The following NFIB variants were observed in gnomAD, a reference collection of about 807,000 sequenced individuals.
NFIB encodes the protein nuclear factor 1 B-type.
NFIB carries 11 observed loss-of-function variants against 61.5 expected under a neutral mutation model. The ratio of observed to expected loss-of-function variants is 0.18; its 90% confidence interval spans 0.11 to 0.30. The LOEUF (loss-of-function observed/expected upper bound fraction) is 0.30. Among genes scored for constraint, NFIB ranks in the 10% least tolerant of loss-of-function variants. The pLI is 1.00. For missense variants in NFIB, 471 were observed against 608.9 expected, an observed-to-expected ratio of 0.77 and a Z score of 2.38; for synonymous variants, 260 against 216.5, an observed-to-expected ratio of 1.20 and a Z score of -1.76.
chr9:14,373,769 T>C (rs963050955), intron 1 of NFIB, among the ~76,000 whole-genome samples: 1 of 151,966 alleles, frequency 6.6e-6, no homozygotes, highest in African/African-American at 2.4e-5. Flanking sequence ...ATTTGGCAGG[T>C]TTGGGGGAAT....
intron 2 of NFIB, among the ~76,000 whole-genome samples, chr9:14,227,141 C>CA (rs747407066): frequency 0.29 from 24,243 of 84,812 alleles, 2,672 homozygotes; most frequent in African/African-American, 0.4. Context: ...AACTCCGTGT[C>CA]AAAAAAAAAA....
At chr9:14,427,944 T>TTTTTTTGTTTTG in the NFIB span, among the ~76,000 whole-genome samples, 8 of 83,182 alleles carry the variant, frequency 9.6e-5, no homozygotes, top group African/African-American at 1.7e-4. Context: ...GTTGTTTTTT[T>TTTTTTTGTTTTG]TTTTTTTTTT....
intron 3 of NFIB, among the ~76,000 whole-genome samples, chr9:14,159,881 T>A (rs951562490): frequency 2.0e-5 from 3 of 152,214 alleles, no homozygotes; most frequent in Non-Finnish European, 4.4e-5. Flanking sequence ...GGAACATGTT[T>A]TTCACATTTC....
At chr9:14,282,097 A>G (rs140109668) in intron 2 of NFIB, among the ~76,000 whole-genome samples, 273 of 152,352 alleles carry the variant, frequency 1.8e-3, no homozygotes, top group African/African-American at 6.4e-3. Context: ...AATTTGATTC[A>G]GTACAAAAAC....
chr9:14,315,473 G>A (rs1329731663), upstream of NFIB, among the ~76,000 whole-genome samples: 4 of 147,452 alleles, frequency 2.7e-5, no homozygotes, highest in African/African-American at 9.9e-5. Flanking sequence ...GGCCCGGGGC[G>A]CCGGCGGAAA....
intron 1 of NFIB, among the ~76,000 whole-genome samples, chr9:14,383,629 A>T (rs905266640): frequency 2.0e-5 from 3 of 152,244 alleles, no homozygotes; most frequent in African/African-American, 7.2e-5. Flanking sequence ...AACATAGTTG[A>T]TAACAGATCT....
chr9:14,493,411 A>G, the NFIB span, among the ~76,000 whole-genome samples: 2 of 152,198 alleles, frequency 1.3e-5, no homozygotes, highest in Non-Finnish European at 2.9e-5. Flanking sequence ...GTTAGAAAGG[A>G]AAAAGCATTT....
chr9:14,512,933 G>T, the NFIB span, among the ~76,000 whole-genome samples: 3 of 128,706 alleles, frequency 2.3e-5, no homozygotes, highest in South Asian at 2.6e-4. Context: ...CAAAGCTTTT[G>T]AAAAAAAAAA....
intron 2 of NFIB, among the ~76,000 whole-genome samples, chr9:14,183,983 C>T (rs984504136): frequency 6.6e-6 from 1 of 152,150 alleles, no homozygotes; most frequent in Non-Finnish European, 1.5e-5. Flanking sequence ...GTTAAAGATT[C>T]TCCAGGAACA....
the NFIB span, among the ~76,000 whole-genome samples, chr9:14,509,582 T>C: frequency 6.6e-6 from 1 of 152,206 alleles, no homozygotes; most frequent in African/African-American, 2.4e-5. Flanking sequence ...CTGTACTTTG[T>C]AGGGAGCAAA....
At chr9:14,491,686 T>C in the NFIB span, among the ~76,000 whole-genome samples, 1 of 152,202 alleles carries the variant, frequency 6.6e-6, no homozygotes, top group Admixed American at 6.5e-5. Flanking sequence ...ACTTCTTATC[T>C]ATTGAGTTTT....
rs75938666 is a variant in NFIB, at chr9:14,341,434, A to C, written c.109-33914T>G. ...AGGGAGAAAGATGAAACAGGTTTCC[A>C]CATCTATGTCATAAGTAGCAGAGGC... On this transcript the variant is annotated intron_variant, in intron 1 of 8. Transcript: ENST00000380934. 5.2e-3 allele frequency among the ~76,000 whole-genome samples: 790 copies of C among 152,318 alleles called. 7 individuals are homozygous for C. The highest frequency in any genetic ancestry group is 0.018 in the African/African-American group (764 of 41,562).
At chr9:14,242,315 G>C (rs1386082623) in intron 2 of NFIB, among the ~76,000 whole-genome samples, 1 of 152,140 alleles carries the variant, frequency 6.6e-6, no homozygotes, top group Non-Finnish European at 1.5e-5. Context: ...AAAGTCTAAA[G>C]TTTGGGCTGT....
the NFIB span, among the ~76,000 whole-genome samples, chr9:14,478,277 C>T: frequency 6.6e-6 from 1 of 152,142 alleles, no homozygotes; most frequent in Non-Finnish European, 1.5e-5. Context: ...GTCTTTTCCT[C>T]CATCTTGCTT....
At chr9:14,185,426 T>C (rs569322745) in intron 2 of NFIB, among the ~76,000 whole-genome samples, 10 of 152,322 alleles carry the variant, frequency 6.6e-5, no homozygotes, top group African/African-American at 1.7e-4. Flanking sequence ...CATCAGCACC[T>C]GGGTCATACT....
chr9:14,296,869 G>C (rs1034230100), intron 2 of NFIB, among the ~76,000 whole-genome samples: 4 of 152,216 alleles, frequency 2.6e-5, no homozygotes, highest in Non-Finnish European at 5.9e-5. Flanking sequence ...AAATTCAAAG[G>C]ATGACAGAAT....
chr9:14,440,070 C>A, the NFIB span, among the ~76,000 whole-genome samples: 1 of 152,128 alleles, frequency 6.6e-6, no homozygotes, highest in Non-Finnish European at 1.5e-5. Context: ...ACCAGGTGGA[C>A]CTACTTTTTG....
the NFIB span, among the ~76,000 whole-genome samples, chr9:14,481,003 A>G: frequency 6.6e-6 from 1 of 151,160 alleles, no homozygotes; most frequent in African/African-American, 2.4e-5. Flanking sequence ...CACCTTGGAC[A>G]TTTACTGTGA....
the NFIB span, among the ~76,000 whole-genome samples, chr9:14,483,339 G>T: frequency 6.6e-6 from 1 of 152,190 alleles, no homozygotes; most frequent in Non-Finnish European, 1.5e-5. Flanking sequence ...ATACATTAAA[G>T]TTCAGAACGG....
Sources: allele counts gnomAD v4.1 joint callset (sites outside exome capture counted in the v4.1 genomes callset), GRCh38; gene constraint gnomAD v4.1.1; transcripts MANE v1.5; gene names NCBI Gene and HGNC (gene_info 2026-07-23, HGNC 2026-07-21).